ADAM10: variants seen among roughly 807,000 people sequenced by gnomAD.
ADAM10 encodes the protein ADAM metallopeptidase domain 10.
A neutral mutation model predicts 90.1 loss-of-function variants in ADAM10; 17 were observed. The ratio of observed to expected loss-of-function variants is 0.19; its 90% CI spans 0.13 to 0.28. The LOEUF (loss-of-function observed/expected upper bound fraction) is 0.28, where lower values mean the gene tolerates loss of function less well. Ranked by LOEUF, ADAM10 falls within the 10% of genes least tolerant of loss-of-function variation. ADAM10 has a pLI of 1.00. For synonymous variants in ADAM10, 310 were observed against 298.6 expected, an observed-to-expected ratio of 1.04 and a Z score of -0.40; for missense variants, 610 against 914.3, an observed-to-expected ratio of 0.67 and a Z score of 4.29.
chr15:58,612,572 T>C (rs1253984355), intron 11 of ADAM10, among the ~76,000 whole-genome samples: 2 of 152,152 alleles, frequency 1.3e-5, no homozygotes, highest in Admixed American at 1.3e-4. Flanking sequence ...TTGCTGCACC[T>C]GGTCTCACAG....
chr15:58,693,523 T>C (rs1897889161), intron 2 of ADAM10, among the ~76,000 whole-genome samples: 1 of 152,032 alleles, frequency 6.6e-6, no homozygotes, highest in Non-Finnish European at 1.5e-5. Flanking sequence ...TGCTAAAAAA[T>C]TTATATCCAT....
intron 5 of ADAM10, among the ~76,000 whole-genome samples, chr15:58,648,354 C>T (rs548529008): frequency 1.3e-5 from 2 of 152,220 alleles, no homozygotes; most frequent in Non-Finnish European, 2.9e-5. Context: ...TTGTAAATGA[C>T]TCAAACATTG....
intron 1 of ADAM10, among the ~76,000 whole-genome samples, chr15:58,743,341 C>T (rs963637632): frequency 2.6e-5 from 4 of 152,296 alleles, no homozygotes; most frequent in Middle Eastern, 3.4e-3. Flanking sequence ...CCACAACCTT[C>T]TCCACACAAA....
chr15:58,602,464 G>T (rs561349898), intron 14 of ADAM10, among the ~76,000 whole-genome samples: 1 of 152,050 alleles, frequency 6.6e-6, no homozygotes, highest in African/African-American at 2.4e-5. Flanking sequence ...TCTGAACCTG[G>T]TCAGCTTCCA....
chr15:58,748,937 A>G (rs919135991), intron 1 of ADAM10: 2 of 398,726 alleles, frequency 5.0e-6, no homozygotes, highest in Non-Finnish European at 8.8e-6. Flanking sequence ...CGGGTAAAGA[A>G]CAATACACGA....
At chr15:58,647,552 C>G (rs1566979207) in intron 5 of ADAM10, among the ~76,000 whole-genome samples, 1 of 151,016 alleles carries the variant, frequency 6.6e-6, no homozygotes, top group Non-Finnish European at 1.5e-5. Flanking sequence ...AGCCACCACC[C>G]CCGCCAAGTA....
chr15:58,597,470 G>A lies in ADAM10; in HGVS notation c.*77C>T. On this transcript the variant is annotated 3_prime_UTR_variant, in exon 16 of 16. Coordinates refer to ENST00000260408, the MANE Select transcript of ADAM10 (RefSeq NM_001110.4). ...ACTTGTGAGGGTTTAGTTTGGAGAT[G>A]ATGACTTAATAGGTTTCTCTTTGGA... 1 of 1,609,368 alleles carries A rather than the reference G, an allele frequency of 6.2e-7. No homozygotes were observed. Among genetic ancestry groups the A allele is most frequent in the Non-Finnish European group, 8.5e-7 (1 of 1,177,608 alleles).
chr15:58,747,492 G>A (rs1899829394), intron 1 of ADAM10: 1 of 152,142 alleles, frequency 6.6e-6, no homozygotes, highest in Non-Finnish European at 1.5e-5. Context: ...TCAATGTGCT[G>A]AAGTCTACAA....
In ADAM10 at chr15:58,717,530, T is replaced by C. The variant is rs375104952; in HGVS notation, c.206+47A>G. The C allele has an allele frequency of 4.8e-5, 77 of 1,610,580 alleles. No individual in the cohort carries two copies. In the Admixed American group the frequency reaches 7.0e-4, roughly 15 times the overall value. Reference sequence around the variant, plus strand: ...ATATAAATCTCCTCTTTAACTTAGATTGAATATAGAGGAACTTCAGACACA... The same window carrying C: ...ATATAAATCTCCTCTTTAACTTAGACTGAATATAGAGGAACTTCAGACACA... On this transcript the variant is annotated intron_variant, in intron 2 of 15. Coordinates refer to ENST00000260408, the MANE Select transcript of ADAM10 (RefSeq NM_001110.4).
chr15:58,686,669 A>G, intron 2 of ADAM10: 1 of 713,740 alleles, frequency 1.4e-6, no homozygotes, highest in Non-Finnish European at 2.6e-6. Flanking sequence ...CAAAGTGATG[A>G]ATGACTGCCT....
intron 5 of ADAM10, among the ~76,000 whole-genome samples, chr15:58,652,145 AATCC>A: frequency 6.6e-6 from 1 of 152,298 alleles, no homozygotes; most frequent in South Asian, 2.1e-4. Context: ...TCTGGTTATT[AATCC>A]CTTGTCAGAC....
intron 9 of ADAM10, among the ~76,000 whole-genome samples, chr15:58,631,028 G>A (rs575461480): frequency 1.3e-5 from 2 of 152,118 alleles, no homozygotes; most frequent in Admixed American, 6.5e-5. Flanking sequence ...TGGCTGTTAA[G>A]AGCCTAGTAC....
intron 2 of ADAM10, chr15:58,707,390 A>G (rs1898337974): frequency 6.6e-6 from 1 of 152,514 alleles, no homozygotes; most frequent in African/African-American, 2.4e-5. Context: ...TCTAAAAAAA[A>G]AAAAACAAGA....
At chr15:58,737,246 T>C (rs1899460028) in intron 1 of ADAM10, among the ~76,000 whole-genome samples, 2 of 152,288 alleles carry the variant, frequency 1.3e-5, no homozygotes, top group Admixed American at 6.5e-5. Flanking sequence ...ATCTGTTCTC[T>C]AAAAATGATT....
At chr15:58,717,257 G>A (rs1244583341) in intron 2 of ADAM10, among the ~76,000 whole-genome samples, 2 of 152,136 alleles carry the variant, frequency 1.3e-5, no homozygotes, top group African/African-American at 4.8e-5. Flanking sequence ...CCAGTAGATA[G>A]ATATATTGAC....
intron 11 of ADAM10, among the ~76,000 whole-genome samples, chr15:58,612,778 T>C (rs1453495808): frequency 1.3e-5 from 2 of 152,142 alleles, no homozygotes; most frequent in Non-Finnish European, 2.9e-5. Flanking sequence ...CCACAAAGTG[T>C]ATAATCCCAG....
At chr15:58,734,783 C>T (rs899967592) in intron 1 of ADAM10, among the ~76,000 whole-genome samples, 4 of 151,110 alleles carry the variant, frequency 2.6e-5, no homozygotes, top group Non-Finnish European at 5.9e-5. Flanking sequence ...ACTAAACTGA[C>T]GTCTACCTCT....
chr15:58,690,788 A>G (rs2052805), intron 2 of ADAM10, among the ~76,000 whole-genome samples: 26,941 of 152,186 alleles, frequency 0.18, 2,711 homozygotes, highest in East Asian at 0.4. Context: ...CACATCAGGA[A>G]CAGCAGCACT....
At chr15:58,736,690 C>G (rs1441384388) in intron 1 of ADAM10, among the ~76,000 whole-genome samples, 1 of 151,972 alleles carries the variant, frequency 6.6e-6, no homozygotes. Flanking sequence ...CAAATATTAA[C>G]TACTAGCATA....
Sources: gnomAD v4.1 joint callset for allele counts (sites outside exome capture counted in the v4.1 genomes callset) on GRCh38, gnomAD v4.1.1 for gene constraint, MANE v1.5 for transcripts, NCBI Gene and HGNC (gene_info 2026-07-23, HGNC 2026-07-21) for gene names.